Variants in CFAP418 observed in about 807,000 individuals in gnomAD.
CFAP418 encodes cilia and flagella associated protein 418.
A neutral mutation model predicts 24.7 loss-of-function variants in CFAP418; 27 were observed. The observed-to-expected ratio is 1.09, with a 90% CI of 0.81 to 1.51. The LOEUF is 1.51. CFAP418 is among the 40% of genes most tolerant of loss of function. The pLI, the probability that CFAP418 is intolerant of heterozygous loss-of-function variation, is 0.00. For synonymous variants in CFAP418, 74 were observed against 87.3 expected (o/e 0.85, Z 0.85); for missense variants, 257 against 255.2 (o/e 1.01, Z -0.05).
chr8:95,260,041 G>A, intron 3 of CFAP418, 136 bp from the exon 4 acceptor site: 1 of 633,552 alleles, frequency 1.6e-6, no homozygotes, highest in Non-Finnish European at 2.7e-6. Context: ...TCCCTAGCAA[G>A]CCAACCATTT....
intron 1 of CFAP418, among the ~76,000 whole-genome samples, chr8:95,264,974 C>A (rs1395060071): frequency 6.6e-6 from 1 of 152,178 alleles, no homozygotes; most frequent in Non-Finnish European, 1.5e-5. Flanking sequence ...AAGCTGCCAC[C>A]CTTTCTTACT....
At chr8:95,266,199 G>A (rs534864350) in intron 1 of CFAP418, among the ~76,000 whole-genome samples, 1 of 152,274 alleles carries the variant, frequency 6.6e-6, no homozygotes, top group East Asian at 1.9e-4. Flanking sequence ...TTAGCATACA[G>A]AAAGAGCTCA....
chr8:95,259,514 C>A (rs1811850239), intron 4 of CFAP418, among the ~76,000 whole-genome samples: 1 of 152,178 alleles, frequency 6.6e-6, no homozygotes. Flanking sequence ...GGTAAGGCAT[C>A]ATGTATCTGC....
intron 3 of CFAP418, 145 bp from the exon 4 acceptor site, chr8:95,260,050 T>A: frequency 1.6e-6 from 1 of 621,264 alleles, no homozygotes; most frequent in Non-Finnish European, 2.8e-6. Flanking sequence ...AGCCAACCAT[T>A]TCAAAGAAGA....
chr8:95,268,930 C>CT, intron 1 of CFAP418, 105 bp downstream of exon 1: 1 of 1,254,776 alleles, frequency 8.0e-7, no homozygotes, highest in Non-Finnish European at 1.1e-6. Flanking sequence ...CAAGGAGGGG[C>CT]TGGAGGTCGC....
In CFAP418 at chr8:95,245,340, C is replaced by T. The variant is rs1811599682; in HGVS notation, c.*2277G>A. 1 of 152,038 alleles carries T rather than the reference C, an allele frequency of 6.6e-6. No homozygotes were observed. Among genetic ancestry groups the T allele is most frequent in the South Asian group, 2.1e-4 (1 of 4,828 alleles). The allele number at this position is 152,038 out of a possible 1,614,324, so 9.4% of individuals were successfully genotyped here. The stretch of plus-strand genomic sequence containing the variant: ...CAATAAACATGGGAACTCACACATA[C>T]ATTTCTGACATTGGGGGATTATTAT... On this transcript the variant is annotated 3_prime_UTR_variant, in exon 6 of 6. Coordinates refer to ENST00000286688, the MANE Select transcript of CFAP418 (RefSeq NM_177965.4).
intron 2 of CFAP418, among the ~76,000 whole-genome samples, chr8:95,261,133 G>A (rs1811881998): frequency 6.6e-6 from 1 of 152,032 alleles, no homozygotes; most frequent in Non-Finnish European, 1.5e-5. Flanking sequence ...ACTGGTATAT[G>A]GTACCAAACA....
chr8:95,259,689 G>A, intron 4 of CFAP418, 151 bp downstream of exon 4: 1 of 671,678 alleles, frequency 1.5e-6, no homozygotes, highest in Non-Finnish European at 2.6e-6. Context: ...TATCTCCCAA[G>A]AATAAAAAAC....
intron 4 of CFAP418, among the ~76,000 whole-genome samples, chr8:95,253,309 C>CAA (rs35013936): frequency 7.0e-6 from 1 of 142,468 alleles, no homozygotes; most frequent in African/African-American, 2.6e-5. Context: ...GACTCTGTCT[C>CAA]AAAAAAAAAA....
At chr8:95,266,672 T>C (rs1046706266) in intron 1 of CFAP418, among the ~76,000 whole-genome samples, 5 of 152,300 alleles carry the variant, frequency 3.3e-5, no homozygotes, top group Middle Eastern at 3.4e-3. Context: ...TGGTATAAGG[T>C]TTAGGCCCTT....
At chr8:95,268,565 C>G (rs1011228439) in intron 1 of CFAP418, among the ~76,000 whole-genome samples, 1 of 151,980 alleles carries the variant, frequency 6.6e-6, no homozygotes, top group Non-Finnish European at 1.5e-5. Flanking sequence ...GGCTGTCTAA[C>G]AGGGCACCTC....
In CFAP418 at chr8:95,245,558, G is replaced by A. The variant is rs1033880152; in HGVS notation, c.*2059C>T. ...GATCGACATCATTCTGGCCAACATG[G>A]TGAAACCCTGTCTCTATTAAAAATA... On this transcript the variant is annotated 3_prime_UTR_variant, in exon 6 of 6. Transcript: ENST00000286688. 2.0e-4 allele frequency: 30 copies of A among 152,054 alleles called. No homozygotes were observed. The highest frequency in any genetic ancestry group is 6.5e-4 in the African/African-American group (27 of 41,378). The allele number at this position is 152,054 out of a possible 1,614,324, so 9.4% of individuals were successfully genotyped here.
chr8:95,259,682 C>T (rs1054120183), intron 4 of CFAP418, among the ~76,000 whole-genome samples, 158 bp downstream of exon 4: 2 of 152,106 alleles, frequency 1.3e-5, no homozygotes, highest in African/African-American at 4.8e-5. Context: ...CAATAGCTAT[C>T]TCCCAAGAAT....
Position 95,260,489 on chromosome 8 carries a change from G to A in CFAP418, c.287C>T (p.Ser96Phe). 1 of 1,589,366 alleles carries A rather than the reference G, an allele frequency of 6.3e-7. No individual in the cohort carries two copies. The highest frequency in any genetic ancestry group is 1.2e-5 in the South Asian group (1 of 85,636). The stretch of plus-strand genomic sequence containing the variant: ...TTACCTTTTACCAAGGCCTTCAATG[G>A]AAGCTCTGACAGATGTGTTACCTGA... ...KSSGNTSVRA[S>F]IEGLGKSCSP... The change falls in exon 3 of 6, where the codon TCC becomes TTC. Residue 96 changes from serine to phenylalanine, a missense_variant. Physicochemically the swap from Ser to Phe is radical, Grantham distance 155. Transcript: ENST00000286688.
Position 95,245,204 on chromosome 8 carries a change from A to T in CFAP418, c.*2413T>A, listed in dbSNP as rs1186804941. On this transcript the variant is annotated 3_prime_UTR_variant, in exon 6 of 6. Transcript: ENST00000286688. ...TCTATACTGATACTAAAATAGTTTC[A>T]TTTTCAGCTTAAATTACAACAGTTA... 1 of 152,188 alleles carries T rather than the reference A, an allele frequency of 6.6e-6. No homozygotes were observed. Among genetic ancestry groups the T allele is most frequent in the Admixed American group, 6.5e-5 (1 of 15,282 alleles). The allele number at this position is 152,188 out of a possible 1,614,324, so 9.4% of individuals were successfully genotyped here.
At chr8:95,264,703 G>A (rs1811946388) in intron 1 of CFAP418, among the ~76,000 whole-genome samples, 1 of 152,146 alleles carries the variant, frequency 6.6e-6, no homozygotes, top group Non-Finnish European at 1.5e-5. Context: ...TCTAATTTCA[G>A]AAATGTATTT....
At chr8:95,255,725 C>CA (rs1811776660) in intron 4 of CFAP418, among the ~76,000 whole-genome samples, 1 of 152,210 alleles carries the variant, frequency 6.6e-6, no homozygotes, top group African/African-American at 2.4e-5. Flanking sequence ...ACAAGTACCT[C>CA]AATCTCTTCA....
At chr8:95,266,984 C>T (rs1811995313) in intron 1 of CFAP418, among the ~76,000 whole-genome samples, 2 of 152,172 alleles carry the variant, frequency 1.3e-5, no homozygotes, top group African/African-American at 4.8e-5. Context: ...CTCTGAAAAG[C>T]TCCTTGATAG....
intron 4 of CFAP418, among the ~76,000 whole-genome samples, chr8:95,256,071 G>A (rs1022070700): frequency 6.6e-6 from 1 of 152,128 alleles, no homozygotes; most frequent in South Asian, 2.1e-4. Context: ...TAGGAGCCTC[G>A]AGCTATGAAA....
Sources: gnomAD v4.1 joint callset for allele counts (sites outside exome capture counted in the v4.1 genomes callset) on GRCh38, gnomAD v4.1.1 for gene constraint, MANE v1.5 for transcripts, NCBI Gene and HGNC (gene_info 2026-07-23, HGNC 2026-07-21) for gene names.